Variants in MAGI2 observed in about 807,000 individuals in gnomAD.
MAGI2 encodes the protein membrane-associated guanylate kinase, WW and PDZ domain-containing protein 2.
MAGI2 carries 35 observed loss-of-function variants against 133.3 expected under a neutral mutation model. The ratio of observed to expected loss-of-function variants is 0.26; its 90% CI spans 0.20 to 0.35. MAGI2 has a LOEUF of 0.35. Among genes scored for constraint, MAGI2 ranks in the 10% least tolerant of loss-of-function variants. MAGI2 has a pLI of 1.00. For synonymous variants in MAGI2, 729 were observed against 710.6 expected, an observed-to-expected ratio of 1.03 and a Z score of -0.41; for missense variants, 1,636 against 1,863.4, an observed-to-expected ratio of 0.88 and a Z score of 2.25.
chr7:79,198,830 G>T (rs957121983), intron 1 of MAGI2, among the ~76,000 whole-genome samples: 1 of 151,928 alleles, frequency 6.6e-6, no homozygotes, highest in Non-Finnish European at 1.5e-5. Context: ...AGATGTTGTA[G>T]TGAACAGAGA....
At chr7:78,859,751 C>T (rs528384043) in intron 2 of MAGI2, among the ~76,000 whole-genome samples, 7 of 152,168 alleles carry the variant, frequency 4.6e-5, no homozygotes, top group African/African-American at 1.2e-4. Context: ...ATCTTCATGG[C>T]GTTCTCTGTA....
At chr7:79,300,147 T>A (rs896109354) in intron 1 of MAGI2, among the ~76,000 whole-genome samples, 1 of 152,150 alleles carries the variant, frequency 6.6e-6, no homozygotes, top group Non-Finnish European at 1.5e-5. Context: ...TAAAGTTACC[T>A]GAAAATGTGG....
At chr7:79,310,162 C>CAAAAAAAAAAAAAA (rs71518921) in intron 1 of MAGI2, among the ~76,000 whole-genome samples, 1 of 16,302 alleles carries the variant, frequency 6.1e-5, no homozygotes, top group Non-Finnish European at 1.2e-4. Context: ...GAGTCCATCT[C>CAAAAAAAAAAAAAA]AAAAAAAAAA....
chr7:79,200,319 T>A (rs113777597), intron 1 of MAGI2, among the ~76,000 whole-genome samples: 4,097 of 151,886 alleles, frequency 0.027, 86 homozygotes, highest in East Asian at 0.04. Flanking sequence ...CTTACAACTG[T>A]TTCAAACACT....
At chr7:78,283,832 A>G (rs895919704) in intron 9 of MAGI2, among the ~76,000 whole-genome samples, 2 of 152,152 alleles carry the variant, frequency 1.3e-5, no homozygotes, top group Non-Finnish European at 2.9e-5. Context: ...AAAGTAACCC[A>G]AAAGACCCCA....
intron 3 of MAGI2, among the ~76,000 whole-genome samples, chr7:78,533,106 T>A (rs1453391494): frequency 5.3e-5 from 8 of 152,126 alleles, no homozygotes; most frequent in Non-Finnish European, 1.0e-4. Context: ...CACACCCGGC[T>A]AATTTTTTGT....
intron 16 of MAGI2, among the ~76,000 whole-genome samples, chr7:78,156,279 C>T (rs1824376911): frequency 6.6e-6 from 1 of 152,080 alleles, no homozygotes; most frequent in South Asian, 2.1e-4. Context: ...AGACTGTGTT[C>T]CCAGAAGGGC....
rs1189358199 is a variant in MAGI2, at chr7:78,375,370, T to C, written c.1046-6157A>G. Among the ~76,000 whole-genome samples the C allele has an allele frequency of 2.0e-5, 3 of 152,086 alleles. No homozygotes were observed. The East Asian group carries it at 5.8e-4, about 29-fold the overall frequency. ...TCCTTTCTTGGGAGGCGGTGTCTTG[T>C]ATGGGCCACAAAGCATTGGTTATGT... On this transcript the variant is annotated intron_variant, in intron 6 of 21. Transcript: ENST00000354212.
chr7:78,087,174 T>C (rs569551449), intron 20 of MAGI2, among the ~76,000 whole-genome samples: 1 of 152,220 alleles, frequency 6.6e-6, no homozygotes, highest in South Asian at 2.1e-4. Flanking sequence ...GCCAATAATA[T>C]TGTAAGCTCT....
At chr7:79,093,587 T>A (rs1817256529) in intron 1 of MAGI2, among the ~76,000 whole-genome samples, 1 of 152,160 alleles carries the variant, frequency 6.6e-6, no homozygotes, top group Non-Finnish European at 1.5e-5. Flanking sequence ...GCCACAATCT[T>A]CTTGCTGGTT....
chr7:79,285,138 T>C (rs992249476), intron 1 of MAGI2, among the ~76,000 whole-genome samples: 7 of 152,108 alleles, frequency 4.6e-5, no homozygotes, highest in Admixed American at 2.0e-4. Context: ...AATATTTATA[T>C]GCAGAATTAC....
chr7:78,952,668 G>A (rs1801966692), intron 2 of MAGI2, among the ~76,000 whole-genome samples: 1 of 152,154 alleles, frequency 6.6e-6, no homozygotes, highest in African/African-American at 2.4e-5. Context: ...AAAGACTCAT[G>A]AAATTGCTTT....
At chr7:79,064,492 T>A (rs1334873546) in intron 1 of MAGI2, among the ~76,000 whole-genome samples, 8 of 152,044 alleles carry the variant, frequency 5.3e-5, no homozygotes, top group Non-Finnish European at 1.0e-4. Flanking sequence ...GTGTTTTGCT[T>A]AAATGTCTAT....
intron 1 of MAGI2, among the ~76,000 whole-genome samples, chr7:79,057,051 T>C (rs1270619845): frequency 6.6e-6 from 1 of 152,244 alleles, no homozygotes; most frequent in Non-Finnish European, 1.5e-5. Context: ...TTGTTGTTTG[T>C]TGTTTTAAAA....
intron 1 of MAGI2, among the ~76,000 whole-genome samples, chr7:79,335,339 T>C (rs1840367323): frequency 6.6e-6 from 1 of 152,038 alleles, no homozygotes. Context: ...GGTTTATGTA[T>C]AGAAAAGGGA....
chr7:79,125,100 C>A (rs934425276), intron 1 of MAGI2: 13 of 261,740 alleles, frequency 5.0e-5, no homozygotes, highest in Non-Finnish European at 6.8e-5. Context: ...ACCTAAGAGA[C>A]TATTTGGAAC....
intron 1 of MAGI2, among the ~76,000 whole-genome samples, chr7:79,199,305 A>G (rs1828378809): frequency 6.6e-6 from 1 of 152,030 alleles, no homozygotes. Context: ...AAAATGTCAA[A>G]CAAAAAAGTT....
At chr7:79,354,730 AC>A (rs1381466659) in intron 1 of MAGI2, among the ~76,000 whole-genome samples, 4 of 152,096 alleles carry the variant, frequency 2.6e-5, no homozygotes, top group African/African-American at 4.8e-5. Context: ...TTAAATGCTC[AC>A]CTCGGTGTGC....
At chr7:78,584,684 G>T (rs1563204237) in intron 3 of MAGI2, among the ~76,000 whole-genome samples, 1 of 152,158 alleles carries the variant, frequency 6.6e-6, no homozygotes, top group African/African-American at 2.4e-5. Context: ...TGTGATTGAA[G>T]AAGGTGGCTG....
Sources: allele counts gnomAD v4.1 joint callset (sites outside exome capture counted in the v4.1 genomes callset), GRCh38; gene constraint gnomAD v4.1.1; transcripts MANE v1.5; gene names NCBI Gene and HGNC (gene_info 2026-07-23, HGNC 2026-07-21).